The following OPA3 variants were observed in gnomAD, a reference collection of about 807,000 sequenced individuals.
OPA3 encodes outer mitochondrial membrane lipid metabolism regulator OPA3, also known as optic atrophy 3 protein.
In OPA3, 6 loss-of-function variants were observed where a neutral mutation model predicts 4.0. The observed-to-expected ratio is 1.51, with a 90% CI of 0.83 to 2.99. The LOEUF (loss-of-function observed/expected upper bound fraction) is 2.99, where lower values mean the gene tolerates loss of function less well. Ranked by LOEUF, OPA3 falls within the 30% of genes most tolerant of loss-of-function variation. OPA3 has a pLI of 0.00. For missense variants in OPA3, 235 were observed against 256.2 expected (o/e 0.92, Z 0.56); for synonymous variants, 105 against 117.1 (o/e 0.90, Z 0.67).
rs535730991 is a variant in OPA3, at chr19:45,568,862, C to CA, written c.143-14952dup. 3.5e-4 allele frequency among the ~76,000 whole-genome samples: 54 copies of CA among 152,260 alleles called. No individual in the cohort carries two copies. The East Asian group carries it at 7.1e-3, about 20-fold the overall frequency. Reference sequence around the variant, plus strand: ...ATTTGGCAGGAAATCCGGGATGAGGCACCCCTCTGTGCCCTGGGGTCACTA... The same window carrying CA: ...ATTTGGCAGGAAATCCGGGATGAGGCAACCCCTCTGTGCCCTGGGGTCACTA... On this transcript the variant is annotated intron_variant, in intron 1 of 1. Transcript: ENST00000263275.
intron 1 of OPA3, among the ~76,000 whole-genome samples, chr19:45,532,719 C>T (rs1599948911): frequency 6.6e-6 from 1 of 151,982 alleles, no homozygotes; most frequent in Non-Finnish European, 1.5e-5. Context: ...AGTTTAGTGT[C>T]CATTCGGCTT....
chr19:45,555,988 G>T (rs1392579643), intron 1 of OPA3, among the ~76,000 whole-genome samples: 1 of 151,900 alleles, frequency 6.6e-6, no homozygotes, highest in Admixed American at 6.6e-5. Flanking sequence ...TATTGTATGC[G>T]AACTGCAATA....
At chr19:45,532,815 G>A (rs543540692) in intron 1 of OPA3, among the ~76,000 whole-genome samples, 83 of 152,176 alleles carry the variant, frequency 5.5e-4, no homozygotes, top group African/African-American at 2.0e-3. Flanking sequence ...CCAGCCTCAA[G>A]CAATCCTCCC....
At chr19:45,575,342 C>T (rs1394326645) in intron 1 of OPA3, among the ~76,000 whole-genome samples, 1 of 152,130 alleles carries the variant, frequency 6.6e-6, no homozygotes, top group Non-Finnish European at 1.5e-5. Flanking sequence ...CCACCCACCT[C>T]AACCTCCCAA....
Position 45,550,082 on chromosome 19 carries a change from TG to T in OPA3, c.*3431del. 1.8e-6 allele frequency: 1 copy of T among 551,864 alleles called. No individual in the cohort carries two copies. The highest frequency in any genetic ancestry group is 2.3e-6 in the Non-Finnish European group (1 of 433,994). 34.2% of individuals were successfully genotyped at this position (551,864 alleles called of 1,614,324 possible). On this transcript the variant is annotated 3_prime_UTR_variant, in exon 2 of 2. Coordinates refer to ENST00000263275, the MANE Select transcript of OPA3 (RefSeq NM_025136.4). ...CTGAGGCAGGATCATTGGTTGAGCC[TG>T]GGAGGTAGAAGTTGCAGTGAGCCGA... is the stretch of plus-strand genomic sequence containing the variant.
In OPA3 at chr19:45,553,289, G is replaced by T. The variant is rs1289414079; in HGVS notation, c.*225C>A. On this transcript the variant is annotated 3_prime_UTR_variant, in exon 2 of 2. Transcript: ENST00000263275. ...TTGCAGGTCGTCCTGGTTTGGAGTGGGGGATAGGAGGTGAAGGATGATGGA... is the reference window on the plus strand; with the variant it reads ...TTGCAGGTCGTCCTGGTTTGGAGTGTGGGATAGGAGGTGAAGGATGATGGA... 5 of 1,435,280 alleles carry T rather than the reference G, an allele frequency of 3.5e-6. No individual in the cohort carries two copies. In the Admixed American group the frequency reaches 1.4e-4, roughly 39 times the overall value. The allele number at this position is 1,435,280 out of a possible 1,614,324, so 88.9% of individuals were successfully genotyped here.
In OPA3 at chr19:45,553,537, C is replaced by T. The variant is rs371832021; in HGVS notation, c.517G>A (p.Ala173Thr). 6 of 1,613,196 alleles carry T rather than the reference C, an allele frequency of 3.7e-6. No individual in the cohort carries two copies. The African/African-American group carries it at 6.7e-5, about 18-fold the overall frequency. The part of the protein sequence containing the change: ...LCNPGRSASH[A>T]VPASKK ...TCCTATTTCTTGGACGCAGGCACTG[C>T]GTGGGAAGCGGACCGGCCGGGATTG... Residue 173 changes from alanine to threonine, a missense_variant, in exon 2 of 2, where the codon GCA becomes ACA. Physicochemically the swap from Ala to Thr is moderately conservative, Grantham distance 58. Coordinates refer to ENST00000263275, the MANE Select transcript of OPA3 (RefSeq NM_025136.4).
intron 1 of OPA3, among the ~76,000 whole-genome samples, chr19:45,573,361 G>T (rs537623931): frequency 1.3e-5 from 2 of 152,178 alleles, no homozygotes; most frequent in East Asian, 3.9e-4. Flanking sequence ...TGAGACAGGA[G>T]AATCACTTGA....
At chr19:45,565,289 A>G (rs1281991741) in intron 1 of OPA3, among the ~76,000 whole-genome samples, 1 of 151,480 alleles carries the variant, frequency 6.6e-6, no homozygotes, top group East Asian at 2.0e-4. Flanking sequence ...ATTATCATGC[A>G]ATTTCTATTA....
intron 1 of OPA3, among the ~76,000 whole-genome samples, chr19:45,536,834 G>C (rs1386634757): frequency 1.3e-5 from 2 of 151,844 alleles, no homozygotes; most frequent in African/African-American, 4.8e-5. Flanking sequence ...TATTCACAGA[G>C]AAAAAAATAA....
chr19:45,558,626 A>G (rs1969455487), intron 1 of OPA3, among the ~76,000 whole-genome samples: 1 of 152,110 alleles, frequency 6.6e-6, no homozygotes, highest in South Asian at 2.1e-4. Context: ...CCCACTATGA[A>G]AGGTGAGCAC....
intron 1 of OPA3, among the ~76,000 whole-genome samples, chr19:45,571,891 C>G (rs1442382170): frequency 6.6e-6 from 1 of 152,050 alleles, no homozygotes; most frequent in African/African-American, 2.4e-5. Flanking sequence ...TTGTAGCTGT[C>G]CTTTCTAGAA....
intron 1 of OPA3, among the ~76,000 whole-genome samples, chr19:45,537,410 A>AAAAAAAAAAAAAAAAAAAAAACAAG (rs1555730890): frequency 8.3e-6 from 1 of 120,060 alleles, no homozygotes; most frequent in Non-Finnish European, 1.7e-5. Flanking sequence ...AAAAAAAAAA[A>AAAAAAAAAAAAAAAAAAAAAACAAG]AAAAAAAAAA....
At position 45,553,499 on chromosome 19, in the gene OPA3, C is replaced by T; in HGVS notation, c.*15G>A. 6.2e-7 allele frequency: 1 copy of T among 1,612,558 alleles called. No homozygotes were observed. On this transcript the variant is annotated 3_prime_UTR_variant, in exon 2 of 2. Transcript: ENST00000263275. The stretch of plus-strand genomic sequence containing the variant: ...CATAGGCCATGTCCAAATTCAGGTT[C>T]CATCCAGCAAGCTCCTATTTCTTGG...
intron 1 of OPA3, among the ~76,000 whole-genome samples, chr19:45,575,470 TA>T (rs1409461035): frequency 7.2e-5 from 11 of 152,140 alleles, no homozygotes; most frequent in Admixed American, 6.5e-5. Context: ...GTCCATGGCC[TA>T]AATTCATAAG....
intron 1 of OPA3, among the ~76,000 whole-genome samples, chr19:45,570,959 C>T (rs12608620): frequency 0.24 from 25,883 of 109,766 alleles, 3,692 homozygotes; most frequent in Middle Eastern, 0.35. Context: ...AAAATGTTTT[C>T]GGTGACAGCA....
rs1345406076 is a variant in OPA3, at chr19:45,561,400, G to A, written c.143-7489C>T. The stretch of plus-strand genomic sequence containing the variant: ...CACTATTGGGAACACGCCTGCATAC[G>A]ATGGCTGCTTCCTTGTAAAATGAAG... On this transcript the variant is annotated intron_variant, in intron 1 of 1. Coordinates refer to ENST00000263275, the MANE Select transcript of OPA3 (RefSeq NM_025136.4). 2.6e-5 allele frequency among the ~76,000 whole-genome samples: 4 copies of A among 152,242 alleles called. No homozygotes were observed. In the East Asian group the frequency reaches 5.8e-4, roughly 22 times the overall value.
intron 1 of OPA3, among the ~76,000 whole-genome samples, chr19:45,565,559 GGCGGAGGTTGTGGTGA>G (rs1384013785): frequency 6.6e-6 from 1 of 152,208 alleles, no homozygotes; most frequent in African/African-American, 2.4e-5. Context: ...GAACCTGGGA[GGCGGAGGTTGTGGTGA>G]GCTGAGATCA....
rs1342185871 is a variant in OPA3, at chr19:45,553,920, G to A, written c.143-9C>T. On this transcript the variant is annotated splice_polypyrimidine_tract_variant and intron_variant, in intron 1 of 1. Coordinates refer to ENST00000263275, the MANE Select transcript of OPA3 (RefSeq NM_025136.4). ...CTCCACCCAGTGATACACTGCGGGG[G>A]AAGAGAGGGGTCAGGCTGCGCTCTG... 1 of 1,599,084 alleles carries A rather than the reference G, an allele frequency of 6.3e-7. No individual in the cohort carries two copies. The highest frequency in any genetic ancestry group is 8.6e-7 in the Non-Finnish European group (1 of 1,168,824).
Sources: gnomAD v4.1 joint callset for allele counts (sites outside exome capture counted in the v4.1 genomes callset) on GRCh38, gnomAD v4.1.1 for gene constraint, MANE v1.5 for transcripts, NCBI Gene and HGNC (gene_info 2026-07-23, HGNC 2026-07-21) for gene names.